LPP: variants seen among roughly 807,000 people sequenced by gnomAD.
The protein encoded by LPP is LIM domain containing preferred translocation partner in lipoma, also known as lipoma-preferred partner.
LPP carries 38 observed loss-of-function variants against 60.4 expected under a neutral mutation model. The observed-to-expected ratio is 0.63, with a 90% CI of 0.49 to 0.83. The LOEUF is 0.83. Among genes scored for constraint, LPP ranks in the 40% least tolerant of loss-of-function variants. The pLI, the probability that LPP is intolerant of heterozygous loss-of-function variation, is 0.00. For synonymous variants in LPP, 328 were observed against 290.8 expected (o/e 1.13, Z -1.30); for missense variants, 902 against 783.6 (o/e 1.15, Z -1.80).
At chr3:188,286,173 GCCTGGGACTTTC>G (rs968748682) in intron 2 of LPP, among the ~76,000 whole-genome samples, 4 of 152,252 alleles carry the variant, frequency 2.6e-5, no homozygotes, top group African/African-American at 9.6e-5. Context: ...ATTTGTCCAT[GCCTGGGACTTTC>G]CCAGAGGAAG....
At chr3:188,460,531 T>C (rs1469052582) in intron 4 of LPP, among the ~76,000 whole-genome samples, 1 of 152,234 alleles carries the variant, frequency 6.6e-6, no homozygotes, top group Non-Finnish European at 1.5e-5. Context: ...TTTGCGGCCA[T>C]TATCAACATT....
rs190060788 is a variant in LPP at position 188,436,657 on chromosome 3, C to T, written c.193+30344C>T. Among the ~76,000 whole-genome samples the T allele has an allele frequency of 5.9e-5, 9 of 152,132 alleles. No homozygotes were observed. In the East Asian group the frequency reaches 7.7e-4, roughly 13 times the overall value. On this transcript the variant is annotated intron_variant, in intron 4 of 11. Coordinates refer to ENST00000617246, the MANE Select transcript of LPP (RefSeq NM_001375462.1). ...TTTCTATGCAAAAGGCCAAAAAGGG[C>T]TTTTGGTGAGATTTTAAAAATAGAA...
chr3:188,636,362 G>A (rs936727387), intron 7 of LPP, among the ~76,000 whole-genome samples: 1 of 152,172 alleles, frequency 6.6e-6, no homozygotes, highest in African/African-American at 2.4e-5. Context: ...CTTAAAAAAC[G>A]GTGCACCACG....
chr3:188,275,733 T>C (rs927181178), intron 2 of LPP, among the ~76,000 whole-genome samples: 33 of 152,016 alleles, frequency 2.2e-4, no homozygotes, highest in Admixed American at 6.6e-5. Context: ...TGGAGTGCAA[T>C]GGCACCATCT....
At chr3:188,693,505 G>A (rs539478310) in intron 7 of LPP, among the ~76,000 whole-genome samples, 2 of 152,246 alleles carry the variant, frequency 1.3e-5, no homozygotes, top group South Asian at 2.1e-4. Context: ...GATGAAAGGG[G>A]GGAGGCAAGA....
At chr3:188,577,351 T>C (rs551249792) in intron 6 of LPP, among the ~76,000 whole-genome samples, 6 of 152,266 alleles carry the variant, frequency 3.9e-5, no homozygotes, top group Middle Eastern at 6.8e-3. Flanking sequence ...GACAAATCTA[T>C]ATGTTATCTG....
intron 11 of LPP, among the ~76,000 whole-genome samples, chr3:188,873,761 A>C (rs1238611817): frequency 6.6e-6 from 1 of 152,192 alleles, no homozygotes. Flanking sequence ...TGCTCTCCAC[A>C]ATGCTGTCTC....
intron 7 of LPP, among the ~76,000 whole-genome samples, chr3:188,655,855 C>T (rs956425366): frequency 6.6e-6 from 1 of 152,032 alleles, no homozygotes; most frequent in Non-Finnish European, 1.5e-5. Flanking sequence ...GACTTCAGTG[C>T]TTCCTTATAC....
intron 4 of LPP, among the ~76,000 whole-genome samples, chr3:188,433,650 G>A (rs77210645): frequency 0.015 from 2,204 of 149,570 alleles, 25 homozygotes; most frequent in Non-Finnish European, 0.022. Flanking sequence ...GAGAGAAGGA[G>A]GGAGAGAGAG....
chr3:188,618,448 A>G (rs1055979238), intron 7 of LPP, among the ~76,000 whole-genome samples: 1 of 152,212 alleles, frequency 6.6e-6, no homozygotes, highest in Non-Finnish European at 1.5e-5. Flanking sequence ...TATCCTACCA[A>G]TACTGAATAC....
chr3:188,284,793 A>T lies in LPP; in HGVS notation c.-66-56870A>T, dbSNP rs189753709. On this transcript the variant is annotated intron_variant, in intron 2 of 11. Transcript: ENST00000617246. The stretch of plus-strand genomic sequence containing the variant: ...AAACGGGCAGGGGGAGCATGTAGGG[A>T]AAGGGCCTCGGCCCCATTTCCTGCC... 3.3e-5 allele frequency among the ~76,000 whole-genome samples: 5 copies of T among 152,288 alleles called. No individual in the cohort carries two copies. The East Asian group carries it at 5.8e-4, about 18-fold the overall frequency.
chr3:188,760,443 C>CGT, intron 9 of LPP, among the ~76,000 whole-genome samples, 161 bp downstream of exon 9: 1 of 64,286 alleles, frequency 1.6e-5, no homozygotes, highest in African/African-American at 7.1e-5. Context: ...TGTGCGTGCG[C>CGT]GCATGTAAAT....
chr3:188,447,733 G>A (rs1320515330), intron 4 of LPP, among the ~76,000 whole-genome samples: 1 of 150,672 alleles, frequency 6.6e-6, no homozygotes, highest in African/African-American at 2.4e-5. Context: ...CCGAGATCGC[G>A]CCATTGCACT....
rs150685374 is a variant in LPP at position 188,514,498 on chromosome 3, A to G, written c.307-10167A>G. On this transcript the variant is annotated intron_variant, in intron 5 of 11. Transcript: ENST00000617246. ...GTTGCCCAGGCTGGAGTGCAGTGGT[A>G]AGATCTTGGCTCACTGCAACCTCTA... 5.9e-3 allele frequency among the ~76,000 whole-genome samples: 897 copies of G among 151,456 alleles called. 9 individuals are homozygous for G. The highest frequency in any genetic ancestry group is 0.02 in the African/African-American group (833 of 41,220).
intron 9 of LPP, among the ~76,000 whole-genome samples, chr3:188,851,094 G>A (rs1762580004): frequency 6.6e-6 from 1 of 152,184 alleles, no homozygotes; most frequent in Admixed American, 6.5e-5. Context: ...CGAACCAAGA[G>A]AGTGAGCTGT....
At chr3:188,219,928 C>T (rs1177821503) in intron 1 of LPP, among the ~76,000 whole-genome samples, 1 of 152,164 alleles carries the variant, frequency 6.6e-6, no homozygotes, top group African/African-American at 2.4e-5. Flanking sequence ...GGGAATAATC[C>T]TTGATCACCA....
rs879435336 is a variant in LPP at position 188,610,101 on chromosome 3, T to C, written c.1113+257T>C. ...CATCTTCCAAAGCCCACAGACACCA[T>C]AGCATCTGAGGACAAAGTGTTCTGA... On this transcript the variant is annotated intron_variant, in intron 7 of 11. Transcript: ENST00000617246. This position sits in a 1 kb window ranked among gnomAD's most constrained non-coding sequence, Gnocchi z 4.4. Among the ~76,000 whole-genome samples, 16 of 152,186 alleles carry C rather than the reference T, an allele frequency of 1.1e-4. No individual in the cohort carries two copies. Among genetic ancestry groups the C allele is most frequent in the Non-Finnish European group, 1.6e-4 (11 of 68,026 alleles).
chr3:188,829,260 C>T (rs1343881079), intron 9 of LPP, among the ~76,000 whole-genome samples: 2 of 152,122 alleles, frequency 1.3e-5, no homozygotes, highest in Non-Finnish European at 2.9e-5. Flanking sequence ...TACCTTCCCA[C>T]CTCTTACGGG....
chr3:188,492,357 T>A (rs1808627584), intron 5 of LPP, among the ~76,000 whole-genome samples: 1 of 152,214 alleles, frequency 6.6e-6, no homozygotes, highest in African/African-American at 2.4e-5. Flanking sequence ...TTGTTTTTTT[T>A]ATTTTAACTT....
Sources: gnomAD v4.1 joint callset for allele counts (sites outside exome capture counted in the v4.1 genomes callset) on GRCh38, gnomAD v4.1.1 for gene constraint, Gnocchi (gnomAD v3.1) non-coding constraint, MANE v1.5 for transcripts, NCBI Gene and HGNC (gene_info 2026-07-23, HGNC 2026-07-21) for gene names.